SIL1: variants seen among roughly 807,000 people sequenced by gnomAD.
The protein encoded by SIL1 is SIL1 nucleotide exchange factor.
SIL1 carries 40 observed loss-of-function variants against 49.1 expected under a neutral mutation model. The ratio of observed to expected loss-of-function variants is 0.81; its 90% confidence interval spans 0.63 to 1.06. The LOEUF (loss-of-function observed/expected upper bound fraction) is 1.06, where lower values mean the gene tolerates loss of function less well. Among genes scored for constraint, SIL1 ranks in the 50% least tolerant of loss-of-function variants. SIL1 has a pLI of 0.00. For synonymous variants in SIL1, 253 were observed against 250.8 expected, an observed-to-expected ratio of 1.01 and a Z score of -0.08; for missense variants, 500 against 572.6, an observed-to-expected ratio of 0.87 and a Z score of 1.29.
intron 1 of SIL1, among the ~76,000 whole-genome samples, chr5:139,175,172 AATT>A (rs1303092676): frequency 6.6e-6 from 1 of 152,032 alleles, no homozygotes; most frequent in African/African-American, 2.4e-5. Flanking sequence ...AAAATACAAA[AATT>A]AGCTGGCATG....
chr5:139,189,603 C>T (rs1167502549), intron 1 of SIL1, among the ~76,000 whole-genome samples: 1 of 152,158 alleles, frequency 6.6e-6, no homozygotes, highest in Non-Finnish European at 1.5e-5. Context: ...GGGTGGATCA[C>T]CTGAGGTCAG....
chr5:139,192,070 G>A (rs1471839396), intron 1 of SIL1, among the ~76,000 whole-genome samples: 3 of 107,458 alleles, frequency 2.8e-5, no homozygotes, highest in Non-Finnish European at 5.5e-5. Context: ...GCAAGATGCT[G>A]TCTCAAAAAA....
At chr5:139,092,656 G>T (rs879436746) in intron 3 of SIL1, among the ~76,000 whole-genome samples, 1 of 152,136 alleles carries the variant, frequency 6.6e-6, no homozygotes, top group Non-Finnish European at 1.5e-5. Context: ...CTACATCTTT[G>T]GGCTCAAGAC....
At chr5:138,999,350 G>T (rs1448838877) in intron 7 of SIL1, among the ~76,000 whole-genome samples, 1 of 152,060 alleles carries the variant, frequency 6.6e-6, no homozygotes, top group Admixed American at 6.6e-5. Flanking sequence ...ATTGTTCACT[G>T]TTGGCATATA....
chr5:139,102,708 CTTTT>C (rs66644479), intron 3 of SIL1, among the ~76,000 whole-genome samples: 3 of 137,994 alleles, frequency 2.2e-5, no homozygotes, highest in Non-Finnish European at 3.2e-5. Context: ...CTGCTTTTTT[CTTTT>C]TTTTTTTTTT....
rs201546394 is a variant in SIL1, at chr5:138,951,807, G to A, written c.845C>T (p.Pro282Leu). 1.2e-4 allele frequency: 197 copies of A among 1,614,064 alleles called. 2 individuals carry two copies. Among genetic ancestry groups the A allele is most frequent in the East Asian group, 1.2e-3 (52 of 44,888 alleles). Residue 282 changes from proline to leucine, a missense_variant, in exon 8 of 10, where the codon CCG becomes CTG. Coordinates refer to ENST00000394817, the MANE Select transcript of SIL1 (RefSeq NM_022464.5). ...ACACACCTTCTTCTTTGCAGTGAGC[G>A]GCTGCTCCGTGGCCAGGATGACCAG... ...KLLVILATEQ[P>L]LTAKKKVLFA...
intron 1 of SIL1, among the ~76,000 whole-genome samples, chr5:139,195,859 T>G (rs185026601): frequency 4.6e-5 from 7 of 152,352 alleles, no homozygotes; most frequent in Admixed American, 2.0e-4. Context: ...ACAAGGCAGG[T>G]GACAAGGTTG....
chr5:139,153,494 G>T (rs971812845), intron 1 of SIL1, among the ~76,000 whole-genome samples: 1 of 152,170 alleles, frequency 6.6e-6, no homozygotes, highest in Non-Finnish European at 1.5e-5. Context: ...TTACTGAGAT[G>T]ATTTAGAGTC....
chr5:139,058,497 C>T (rs1318182768), intron 3 of SIL1, among the ~76,000 whole-genome samples: 1 of 152,178 alleles, frequency 6.6e-6, no homozygotes, highest in African/African-American at 2.4e-5. Flanking sequence ...TGCTACTTCC[C>T]TCCTTCTTTA....
chr5:139,160,306 AAC>A (rs1206109799), intron 1 of SIL1, among the ~76,000 whole-genome samples: 5 of 152,264 alleles, frequency 3.3e-5, no homozygotes, highest in African/African-American at 1.2e-4. Flanking sequence ...CTGCAGAAAC[AAC>A]ACAGGGGCCA....
At chr5:138,971,579 T>C (rs937263705) in intron 7 of SIL1, among the ~76,000 whole-genome samples, 4 of 152,158 alleles carry the variant, frequency 2.6e-5, no homozygotes, top group Non-Finnish European at 5.9e-5. Flanking sequence ...TTAACTCCCC[T>C]GAACCTGGAA....
intron 3 of SIL1, among the ~76,000 whole-genome samples, chr5:139,090,500 C>T (rs995513489): frequency 3.3e-5 from 5 of 152,194 alleles, no homozygotes; most frequent in African/African-American, 9.7e-5. Context: ...TGGTTTGATA[C>T]TGGTGCATGA....
At position 138,992,129 on chromosome 5, in the gene SIL1, A is replaced by G. The variant is rs192063700; in HGVS notation, c.767+29042T>C. Among the ~76,000 whole-genome samples the G allele has an allele frequency of 5.3e-5, 8 of 152,342 alleles. No individual in the cohort carries two copies. In the East Asian group the frequency reaches 5.8e-4, roughly 11 times the overall value. ...GTCCCATGGCAATCACTACACGACT[A>G]TGGGTGCTAGGCTGAATGAGGAGAC... On this transcript the variant is annotated intron_variant, in intron 7 of 9. Transcript: ENST00000394817.
intron 1 of SIL1, among the ~76,000 whole-genome samples, chr5:139,153,382 T>C (rs1313209207): frequency 2.0e-5 from 3 of 152,238 alleles, no homozygotes; most frequent in East Asian, 1.9e-4. Flanking sequence ...TCTTATATAG[T>C]TGTCCTTCTC....
At chr5:139,112,650 C>T (rs1393069701) in intron 3 of SIL1, among the ~76,000 whole-genome samples, 1 of 149,304 alleles carries the variant, frequency 6.7e-6, no homozygotes, top group East Asian at 2.0e-4. Flanking sequence ...CAGCCCCCGC[C>T]CGGCCAGCCG....
chr5:138,992,371 A>G (rs1767777439), intron 7 of SIL1, among the ~76,000 whole-genome samples: 1 of 152,210 alleles, frequency 6.6e-6, no homozygotes, highest in Non-Finnish European at 1.5e-5. Context: ...TAACCATCCC[A>G]TAAGTTAACT....
At chr5:139,040,892 C>A (rs914785933) in intron 5 of SIL1, among the ~76,000 whole-genome samples, 1 of 152,134 alleles carries the variant, frequency 6.6e-6, no homozygotes, top group Non-Finnish European at 1.5e-5. Context: ...AATTGAATTA[C>A]TGGGGTGGGG....
chr5:138,991,685 A>C (rs1767764257), intron 7 of SIL1, among the ~76,000 whole-genome samples: 1 of 152,248 alleles, frequency 6.6e-6, no homozygotes, highest in South Asian at 2.1e-4. Flanking sequence ...CTCCACTTTT[A>C]AGTATTGAAC....
At chr5:139,140,904 G>T (rs1412156454) in intron 1 of SIL1, among the ~76,000 whole-genome samples, 2 of 152,168 alleles carry the variant, frequency 1.3e-5, no homozygotes, top group Non-Finnish European at 2.9e-5. Context: ...GGAAACAGCA[G>T]TTCTCCCTGC....
Sources: gnomAD v4.1 joint callset for allele counts (sites outside exome capture counted in the v4.1 genomes callset) on GRCh38, gnomAD v4.1.1 for gene constraint, MANE v1.5 for transcripts, NCBI Gene and HGNC (gene_info 2026-07-23, HGNC 2026-07-21) for gene names.